YWHAB: variants seen among roughly 807,000 people sequenced by gnomAD.
The protein encoded by YWHAB is 14-3-3 protein beta/alpha.
YWHAB carries 2 observed loss-of-function variants against 28.5 expected under a neutral mutation model. The observed-to-expected ratio is 0.07, with a 90% CI of 0.03 to 0.22. The LOEUF is 0.22. YWHAB is among the 10% of genes least tolerant of loss of function. YWHAB has a pLI of 1.00. For missense variants in YWHAB, 148 were observed against 297.1 expected, an observed-to-expected ratio of 0.50 and a Z score of 3.69; for synonymous variants, 103 against 104.7, an observed-to-expected ratio of 0.98 and a Z score of 0.10.
intron 2 of YWHAB, 196 bp from the exon 3 acceptor site, chr20:44,903,797 T>C (rs12481468): frequency 0.27 from 143,502 of 536,990 alleles, 19,954 homozygotes; most frequent in Middle Eastern, 0.36. Context: ...ATGGTCAAAG[T>C]GATTTTTAAC....
intron 1 of YWHAB, among the ~76,000 whole-genome samples, chr20:44,889,244 G>A (rs2066546087): frequency 6.6e-6 from 1 of 152,176 alleles, no homozygotes. Context: ...AACGGTTGGA[G>A]CTGGATTCTG....
At chr20:44,903,167 A>G (rs1039601079) in intron 2 of YWHAB, 2 of 884,138 alleles carry the variant, frequency 2.3e-6, no homozygotes, top group African/African-American at 3.6e-5. Flanking sequence ...AGTATTAGCT[A>G]CTCTTTGAGT....
At chr20:44,886,557 CAG>C (rs1452864028) in intron 1 of YWHAB, 2 of 152,196 alleles carry the variant, frequency 1.3e-5, no homozygotes, top group South Asian at 2.1e-4. Flanking sequence ...GAAAAAATAT[CAG>C]GGGGTGAGAA....
chr20:44,898,798 G>A (rs879921521), intron 1 of YWHAB, among the ~76,000 whole-genome samples: 14 of 149,100 alleles, frequency 9.4e-5, no homozygotes, highest in Admixed American at 4.0e-4. Flanking sequence ...GAGCCACTGC[G>A]CCCAGCAGAA....
At chr20:44,902,444 T>C (rs1416009786) in intron 2 of YWHAB, 6 of 152,204 alleles carry the variant, frequency 3.9e-5, no homozygotes, top group African/African-American at 1.4e-4. Flanking sequence ...CCAAAACAAA[T>C]CATAATCATA....
intron 5 of YWHAB, 127 bp from the exon 6 acceptor site, chr20:44,906,255 C>T: frequency 8.5e-7 from 1 of 1,169,844 alleles, no homozygotes; most frequent in Non-Finnish European, 1.2e-6. Context: ...CCTTTGCAAT[C>T]ATCCCTGTCT....
chr20:44,901,823 A>G lies in YWHAB; in HGVS notation c.290A>G (p.Asn97Ser), dbSNP rs749944173. 25 of 1,597,680 alleles carry G rather than the reference A, an allele frequency of 1.6e-5. No homozygotes were observed. The highest frequency in any genetic ancestry group is 1.1e-4 in the African/African-American group (8 of 74,624). ...GAGGCAGAACTGCAGGACATCTGCA[A>G]TGATGTTCTGGTAAGAGGCCAGTGC... is the stretch of plus-strand genomic sequence containing the variant. Reference protein sequence around the residue: ...KIEAELQDICNDVLELLDKYL... With the variant: ...KIEAELQDICSDVLELLDKYL... Residue 97 changes from asparagine (N) to serine (S), a missense_variant, in exon 2 of 6, where the codon AAT (asparagine) becomes AGT (serine). Asn to Ser is a conservative substitution (Grantham distance 46, BLOSUM62 1). Transcript: ENST00000353703.
intron 1 of YWHAB, among the ~76,000 whole-genome samples, chr20:44,891,836 ATGC>A (rs1378058320): frequency 2.0e-5 from 3 of 152,230 alleles, no homozygotes; most frequent in African/African-American, 7.2e-5. Context: ...TATTACAGAT[ATGC>A]TGTGTTTTGT....
Position 44,906,501 on chromosome 20 carries a change from CGATAA to C in YWHAB, c.*64_*68del. On this transcript the variant is annotated 3_prime_UTR_variant, in exon 6 of 6. Transcript: ENST00000353703. ...GTACCCTCAACATATATCCCTTGTG[CGATAA>C]AAAAAAAAAAAAAAAAAAAAAGAGA... 1 of 563,740 alleles carries C rather than the reference CGATAA, an allele frequency of 1.8e-6. No individual in the cohort carries two copies. The highest frequency in any genetic ancestry group is 5.0e-5 in the Admixed American group (1 of 20,028). 34.9% of individuals were successfully genotyped at this position (563,740 alleles called of 1,614,324 possible). A position where few individuals can be genotyped will look rare whatever the true frequency, so the allele number is the denominator to read the frequency against.
chr20:44,902,859 T>C (rs2066635519), intron 2 of YWHAB: 1 of 163,524 alleles, frequency 6.1e-6, no homozygotes, highest in Non-Finnish European at 1.3e-5. Flanking sequence ...GTTGGTAATT[T>C]GGGGGTTTGT....
chr20:44,908,039 A>C lies in YWHAB; in HGVS notation c.*1601A>C, dbSNP rs756459272. 4 of 152,542 alleles carry C rather than the reference A, an allele frequency of 2.6e-5. No homozygotes were observed. The highest frequency in any genetic ancestry group is 2.0e-4 in the Admixed American group (3 of 15,268). The allele number at this position is 152,542 out of a possible 1,614,324, so 9.4% of individuals were successfully genotyped here. A position where few individuals can be genotyped will look rare whatever the true frequency, so the allele number is the denominator to read the frequency against. On this transcript the variant is annotated 3_prime_UTR_variant, in exon 6 of 6. Transcript: ENST00000353703. ...GGGAGAATTGAGAATAGTCAGGCCT[A>C]TCAGTCTCACAGAATCACCCCTCTA...
intron 1 of YWHAB, among the ~76,000 whole-genome samples, chr20:44,897,419 T>C (rs2066602224): frequency 6.6e-6 from 1 of 152,202 alleles, no homozygotes; most frequent in African/African-American, 2.4e-5. Flanking sequence ...TTTGAGTTAG[T>C]CTACAGACTG....
intron 1 of YWHAB, among the ~76,000 whole-genome samples, chr20:44,890,212 G>A (rs1275516802): frequency 6.6e-6 from 1 of 152,216 alleles, no homozygotes; most frequent in Non-Finnish European, 1.5e-5. Flanking sequence ...AAGGCTTGTT[G>A]AAAGTCAGTT....
chr20:44,904,901 TA>T, intron 3 of YWHAB, 66 bp from the exon 4 acceptor site: 1 of 1,455,806 alleles, frequency 6.9e-7, no homozygotes, highest in South Asian at 1.5e-5. Flanking sequence ...AATAATTTGA[TA>T]GTTGGTCCAA....
intron 1 of YWHAB, among the ~76,000 whole-genome samples, chr20:44,890,912 T>A (rs1382136094): frequency 2.0e-5 from 3 of 152,158 alleles, no homozygotes; most frequent in Admixed American, 6.5e-5. Context: ...ATAGGGAAAT[T>A]GTTATGTGCC....
intron 3 of YWHAB, 24 bp downstream of exon 3, chr20:44,904,140 A>G: frequency 6.2e-7 from 1 of 1,611,106 alleles, no homozygotes; most frequent in Non-Finnish European, 8.5e-7. Flanking sequence ...TTAAAAAGAA[A>G]TTCGACCAGT....
intron 5 of YWHAB, 95 bp downstream of exon 5, chr20:44,906,191 G>A (rs966754332): frequency 1.2e-5 from 15 of 1,229,332 alleles, no homozygotes; most frequent in East Asian, 4.7e-5. Context: ...ACCATTAAAT[G>A]TAGTTACAGT....
chr20:44,904,926 T>C, intron 3 of YWHAB, 42 bp from the exon 4 acceptor site: 3 of 1,548,500 alleles, frequency 1.9e-6, no homozygotes, highest in Middle Eastern at 1.7e-4. Context: ...GTGATACCTA[T>C]GAAAGAACCG....
At chr20:44,894,841 GAC>G (rs1435670816) in intron 1 of YWHAB, among the ~76,000 whole-genome samples, 2 of 152,230 alleles carry the variant, frequency 1.3e-5, no homozygotes, top group African/African-American at 4.8e-5. Context: ...ATTGCGCTGT[GAC>G]ACACAGTCCT....
Sources: gnomAD v4.1 joint callset for allele counts (sites outside exome capture counted in the v4.1 genomes callset) on GRCh38, gnomAD v4.1.1 for gene constraint, MANE v1.5 for transcripts, NCBI Gene and HGNC (gene_info 2026-07-23, HGNC 2026-07-21) for gene names.